Variants in RBFOX1 observed in about 807,000 individuals in gnomAD.
RBFOX1 encodes the protein RNA binding fox-1 homolog 1, also known as RNA binding protein fox-1 homolog 1.
A neutral mutation model predicts 57.7 loss-of-function variants in RBFOX1; 8 were observed. The observed-to-expected ratio is 0.14, with a 90% CI of 0.08 to 0.25. The LOEUF (loss-of-function observed/expected upper bound fraction) is 0.25. RBFOX1 is among the 10% of genes least tolerant of loss of function. The probability of loss-of-function intolerance (pLI) is 1.00; values close to 1 mark genes in which losing one functional copy is unlikely to be tolerated. For synonymous variants in RBFOX1, 326 were observed against 222.4 expected (o/e 1.47, Z -4.15); for missense variants, 611 against 548.5 (o/e 1.11, Z -1.14).
intron 3 of RBFOX1, among the ~76,000 whole-genome samples, chr16:6,680,274 C>CTTTTT (rs1180378585): frequency 9.4e-4 from 84 of 88,924 alleles, no homozygotes; most frequent in Admixed American, 1.1e-3. Flanking sequence ...TTCTCTCTCT[C>CTTTTT]TTTTTTTTTT....
At chr16:6,678,012 A>G (rs11649540) in intron 3 of RBFOX1, among the ~76,000 whole-genome samples, 102,865 of 152,172 alleles carry the variant, frequency 0.68, 36,770 homozygotes, top group East Asian at 0.81. Context: ...TCTAGTAGCA[A>G]CATTAAAAAA....
intron 4 of RBFOX1, among the ~76,000 whole-genome samples, chr16:7,111,328 G>A (rs2064723303): frequency 6.6e-6 from 1 of 152,160 alleles, no homozygotes; most frequent in South Asian, 2.1e-4. Context: ...ATGGGAACCC[G>A]ACTTTGCAGA....
Position 6,019,236 on chromosome 16 carries a change from C to G in RBFOX1, c.-883C>G, listed in dbSNP as rs2095023003. 2.0e-6 allele frequency: 2 copies of G among 985,200 alleles called. No homozygotes were observed. The highest frequency in any genetic ancestry group is 2.4e-6 in the Non-Finnish European group (2 of 830,028). 61.0% of individuals were successfully genotyped at this position (985,200 alleles called of 1,614,324 possible). ...CGCTCTTGCTGGCCGTCTGGGTGCA[C>G]ACACCGCTCCCTCGATCACCCCAGC... On this transcript the variant is annotated 5_prime_UTR_variant, in exon 1 of 16. Coordinates refer to ENST00000550418, the MANE Select transcript of RBFOX1 (RefSeq NM_018723.4). This position sits in a 1 kb window ranked among gnomAD's most constrained non-coding sequence, Gnocchi z 4.2.
chr16:7,112,579 T>G (rs2065017169), intron 4 of RBFOX1, among the ~76,000 whole-genome samples: 1 of 152,024 alleles, frequency 6.6e-6, no homozygotes, highest in Non-Finnish European at 1.5e-5. Flanking sequence ...GAACCTATAA[T>G]AGCTCCACAC....
At chr16:5,684,201 G>T (rs1020203965) in intron 3 of RBFOX1, among the ~76,000 whole-genome samples, 6 of 152,124 alleles carry the variant, frequency 3.9e-5, no homozygotes, top group African/African-American at 1.4e-4. Context: ...AGAGGATGGC[G>T]CCCTCTTCGA....
chr16:5,837,328 G>T (rs1419795191), intron 3 of RBFOX1, among the ~76,000 whole-genome samples: 8 of 151,790 alleles, frequency 5.3e-5, no homozygotes, highest in Admixed American at 5.2e-4. Flanking sequence ...AAGGGTCCTA[G>T]AATAACAAAT....
At chr16:6,630,469 C>A (rs1445753551) in intron 2 of RBFOX1, among the ~76,000 whole-genome samples, 1 of 152,060 alleles carries the variant, frequency 6.6e-6, no homozygotes, top group Non-Finnish European at 1.5e-5. Context: ...CAGTTTGCAC[C>A]AGGCACTGTT....
chr16:7,369,855 C>G (rs190768610), intron 4 of RBFOX1, among the ~76,000 whole-genome samples: 417 of 152,342 alleles, frequency 2.7e-3, no homozygotes, highest in South Asian at 4.8e-3. Context: ...CATTATCTCA[C>G]TTTCTTGCAG....
intron 3 of RBFOX1, among the ~76,000 whole-genome samples, chr16:6,827,968 G>A (rs185407979): frequency 1.3e-5 from 2 of 152,202 alleles, no homozygotes; most frequent in African/African-American, 2.4e-5. Flanking sequence ...TCTATGCTCT[G>A]TAGGGGACAA....
intron 2 of RBFOX1, among the ~76,000 whole-genome samples, chr16:6,534,544 C>T (rs2096709295): frequency 6.6e-6 from 1 of 152,154 alleles, no homozygotes; most frequent in Admixed American, 6.5e-5. Context: ...ATCCTGTTCA[C>T]AGCAGAGGTG....
At chr16:6,268,797 T>C (rs1019543445) in intron 1 of RBFOX1, among the ~76,000 whole-genome samples, 1 of 152,108 alleles carries the variant, frequency 6.6e-6, no homozygotes, top group Non-Finnish European at 1.5e-5. Flanking sequence ...TCTGGAAAGA[T>C]GAAGTAAACA....
chr16:5,718,847 C>T (rs191826708), intron 3 of RBFOX1, among the ~76,000 whole-genome samples: 34 of 152,010 alleles, frequency 2.2e-4, no homozygotes, highest in Non-Finnish European at 2.1e-4. Context: ...AGGCTGAGGT[C>T]GCAGTGAGTG....
chr16:6,994,401 A>G (rs2091958233), intron 3 of RBFOX1, among the ~76,000 whole-genome samples: 1 of 152,190 alleles, frequency 6.6e-6, no homozygotes, highest in Non-Finnish European at 1.5e-5. Flanking sequence ...TGAATAGTGC[A>G]TGGGCAATGC....
intron 2 of RBFOX1, among the ~76,000 whole-genome samples, chr16:6,335,155 T>C (rs1056230099): frequency 2.0e-5 from 3 of 152,246 alleles, no homozygotes; most frequent in African/African-American, 7.2e-5. Flanking sequence ...TATTGGATTC[T>C]GTTGCAAATG....
At chr16:6,134,586 G>A (rs1056069907) in intron 1 of RBFOX1, among the ~76,000 whole-genome samples, 1 of 152,118 alleles carries the variant, frequency 6.6e-6, no homozygotes, top group Non-Finnish European at 1.5e-5. Context: ...TACTCAGAAG[G>A]TATGGGCTGG....
intron 4 of RBFOX1, among the ~76,000 whole-genome samples, chr16:5,994,948 A>C (rs1047961172): frequency 3.9e-5 from 6 of 152,206 alleles, no homozygotes; most frequent in Non-Finnish European, 7.4e-5. Context: ...ACATCCATCG[A>C]TGCAGGAACC....
chr16:6,105,693 T>A (rs1386572309), intron 1 of RBFOX1, among the ~76,000 whole-genome samples: 1 of 151,412 alleles, frequency 6.6e-6, no homozygotes. Flanking sequence ...AAAATATATA[T>A]ATATATATAA....
intron 2 of RBFOX1, among the ~76,000 whole-genome samples, chr16:6,323,077 C>G (rs926874847): frequency 2.6e-5 from 4 of 151,846 alleles, no homozygotes; most frequent in Non-Finnish European, 4.4e-5. Flanking sequence ...AGACCTTTTT[C>G]GATCGAATGA....
chr16:7,218,870 C>T (rs1000824447), intron 4 of RBFOX1, among the ~76,000 whole-genome samples: 2 of 152,100 alleles, frequency 1.3e-5, no homozygotes, highest in African/African-American at 4.8e-5. Flanking sequence ...CTCACCCCTC[C>T]AGCCTCGATG....
Sources: gnomAD v4.1 joint callset for allele counts (sites outside exome capture counted in the v4.1 genomes callset) on GRCh38, gnomAD v4.1.1 for gene constraint, Gnocchi (gnomAD v3.1) non-coding constraint, MANE v1.5 for transcripts, NCBI Gene and HGNC (gene_info 2026-07-23, HGNC 2026-07-21) for gene names.